PAK1: variants seen among roughly 807,000 people sequenced by gnomAD.
The protein encoded by PAK1 is p21 (RAC1) activated kinase 1.
PAK1 carries 29 observed loss-of-function variants against 67.4 expected under a neutral mutation model. The observed-to-expected ratio is 0.43, with a 90% CI of 0.32 to 0.59. The LOEUF (loss-of-function observed/expected upper bound fraction) is 0.59. PAK1 is among the 20% of genes least tolerant of loss of function. The pLI, the probability that PAK1 is intolerant of heterozygous loss-of-function variation, is 0.07. For missense variants in PAK1, 337 were observed against 670.7 expected (o/e 0.50, Z 5.50); for synonymous variants, 223 against 237.4 (o/e 0.94, Z 0.56).
chr11:77,325,416 T>C, intron 14 of PAK1: 1 of 1,606,022 alleles, frequency 6.2e-7, no homozygotes, highest in South Asian at 1.1e-5. Flanking sequence ...CACAGAGTTG[T>C]TGTAAAGGAC....
At chr11:77,398,407 T>C (rs1952135761) in intron 1 of PAK1, among the ~76,000 whole-genome samples, 1 of 152,216 alleles carries the variant, frequency 6.6e-6, no homozygotes, top group Non-Finnish European at 1.5e-5. Context: ...CATAATGACC[T>C]CCAGTTCCAT....
chr11:77,506,209 A>G, the PAK1 span, among the ~76,000 whole-genome samples: 1 of 152,142 alleles, frequency 6.6e-6, no homozygotes, highest in Non-Finnish European at 1.5e-5. Flanking sequence ...AAGAGAGAAA[A>G]CCAGCTCTTC....
At chr11:77,511,492 G>T in the PAK1 span, among the ~76,000 whole-genome samples, 135 of 152,194 alleles carry the variant, frequency 8.9e-4, 1 homozygote, top group Non-Finnish European at 9.4e-4. Context: ...AGTTTTGCCT[G>T]CAGGCTATAT....
At chr11:77,324,172 C>CT (rs11324143) in intron 14 of PAK1, among the ~76,000 whole-genome samples, 9,351 of 127,224 alleles carry the variant, frequency 0.074, 1,287 homozygotes, top group African/African-American at 0.25. Context: ...AAAGCAATTC[C>CT]TTTTTTTTTT....
upstream of PAK1, among the ~76,000 whole-genome samples, chr11:77,478,920 CA>C (rs1217145882): frequency 0.082 from 8,705 of 106,376 alleles, 596 homozygotes; most frequent in African/African-American, 0.24. Context: ...ACTAAAAATA[CA>C]AAAAAAAAAA....
rs1484202819 is a variant in PAK1, at chr11:77,322,761, G to A, written c.*513C>T. ...AGCCAAAGTCATGGTCCAGGAAGCT[G>A]AGCCTCTTCATGTCCCTGGCAGATT... On this transcript the variant is annotated 3_prime_UTR_variant, in exon 15 of 15. Coordinates refer to ENST00000356341, the MANE Select transcript of PAK1 (RefSeq NM_002576.5). 1 of 319,382 alleles carries A rather than the reference G, an allele frequency of 3.1e-6. No individual in the cohort carries two copies. Among genetic ancestry groups the A allele is most frequent in the Non-Finnish European group, 5.8e-6 (1 of 171,284 alleles). The allele number at this position is 319,382 out of a possible 1,614,324, so 19.8% of individuals were successfully genotyped here.
chr11:77,500,049 G>T, the PAK1 span, among the ~76,000 whole-genome samples: 4 of 152,184 alleles, frequency 2.6e-5, no homozygotes, highest in African/African-American at 9.7e-5. Flanking sequence ...AGTGGAAGAA[G>T]TTTGCTCCCT....
chr11:77,417,134 G>C (rs1031372740), intron 1 of PAK1, among the ~76,000 whole-genome samples: 8 of 152,032 alleles, frequency 5.3e-5, no homozygotes, highest in Non-Finnish European at 8.8e-5. Flanking sequence ...AGTATTCCTA[G>C]GTATTTACTC....
chr11:77,379,286 T>C lies in PAK1; in HGVS notation c.394A>G (p.Asn132Asp), dbSNP rs778753573. Reference sequence around the variant, plus strand: ...TGGCTGTTGGATGTCTTCTTCGAGTTGTAAAACTCCAACACATCCAGAACA... The same window carrying C: ...TGGCTGTTGGATGTCTTCTTCGAGTCGTAAAACTCCAACACATCCAGAACA... ...QAVLDVLEFY[N>D]SKKTSNSQKY... Residue 132 changes from asparagine to aspartate, a missense_variant, in exon 4 of 15, where the codon AAC (asparagine) becomes GAC (aspartate). This residue lies in a region of PAK1 where 43 missense variants were observed against 141.5 expected (regional missense o/e 0.30). Transcript: ENST00000356341. The C allele has an allele frequency of 6.2e-7, 1 of 1,613,876 alleles. No individual in the cohort carries two copies. Among genetic ancestry groups the C allele is most frequent in the Non-Finnish European group, 8.5e-7 (1 of 1,179,936 alleles).
At chr11:77,528,362 CTT>C in the PAK1 span, among the ~76,000 whole-genome samples, 4 of 142,614 alleles carry the variant, frequency 2.8e-5, no homozygotes, top group Non-Finnish European at 3.1e-5. Context: ...ACATATGTCT[CTT>C]TTTTTTTTTT....
At chr11:77,468,863 G>A (rs1022101720) in intron 1 of PAK1, among the ~76,000 whole-genome samples, 8 of 152,172 alleles carry the variant, frequency 5.3e-5, no homozygotes, top group East Asian at 1.9e-4. Flanking sequence ...CATTAATGAT[G>A]TGCCTCTGAG....
intron 3 of PAK1, 149 bp from the exon 4 acceptor site, chr11:77,379,537 C>T: frequency 1.5e-6 from 1 of 671,424 alleles, no homozygotes. Context: ...TTACACAAGC[C>T]TCTTTTATAA....
intron 1 of PAK1, among the ~76,000 whole-genome samples, chr11:77,471,572 AG>A (rs1957855816): frequency 6.6e-6 from 1 of 152,330 alleles, no homozygotes; most frequent in South Asian, 2.1e-4. Context: ...GAAGCATTCC[AG>A]GAAGAAAACA....
intron 5 of PAK1, among the ~76,000 whole-genome samples, chr11:77,369,206 T>A (rs1259718346): frequency 6.6e-6 from 1 of 152,038 alleles, no homozygotes; most frequent in Non-Finnish European, 1.5e-5. Flanking sequence ...TTTTCAATTA[T>A]CTGACTTGGT....
intron 1 of PAK1, among the ~76,000 whole-genome samples, chr11:77,459,271 G>C (rs3015986): frequency 0.21 from 32,424 of 151,964 alleles, 4,578 homozygotes; most frequent in Non-Finnish European, 0.31. Flanking sequence ...AATTACTCCA[G>C]GCAGAATAAT....
intron 1 of PAK1, among the ~76,000 whole-genome samples, chr11:77,469,120 C>T (rs1957733089): frequency 6.6e-6 from 1 of 152,196 alleles, no homozygotes; most frequent in South Asian, 2.1e-4. Flanking sequence ...GCAAAACATT[C>T]CTATATCCTC....
intron 1 of PAK1, among the ~76,000 whole-genome samples, chr11:77,421,857 CTAATA>C (rs1220162828): frequency 7.2e-5 from 11 of 152,274 alleles, no homozygotes; most frequent in Non-Finnish European, 1.6e-4. Flanking sequence ...TCAGAGGTAT[CTAATA>C]ATGAAATGCA....
intron 1 of PAK1, among the ~76,000 whole-genome samples, chr11:77,452,678 A>G (rs1278363653): frequency 2.0e-5 from 3 of 152,222 alleles, no homozygotes; most frequent in Non-Finnish European, 2.9e-5. Flanking sequence ...GCTCAGCACC[A>G]AAGAGTAGAA....
At chr11:77,391,786 A>C (rs1372541103) in intron 2 of PAK1, among the ~76,000 whole-genome samples, 1 of 152,220 alleles carries the variant, frequency 6.6e-6, no homozygotes, top group Non-Finnish European at 1.5e-5. Flanking sequence ...TTATCAATAA[A>C]AAGGAAATGA....
Sources: allele counts gnomAD v4.1 joint callset (sites outside exome capture counted in the v4.1 genomes callset), GRCh38; gene constraint gnomAD v4.1.1; regional missense constraint gnomAD v4.1.1; transcripts MANE v1.5; gene names NCBI Gene and HGNC (gene_info 2026-07-23, HGNC 2026-07-21).